Variants in SLC16A10 observed in about 807,000 individuals in gnomAD.
SLC16A10 encodes solute carrier family 16 member 10, also known as monocarboxylate transporter 10.
In SLC16A10, 27 loss-of-function variants were observed where a neutral mutation model predicts 40.0. That is an observed-to-expected ratio of 0.67 (90% CI 0.50 to 0.93). SLC16A10 has a LOEUF of 0.93. SLC16A10 is among the 40% of genes least tolerant of loss of function. The pLI is 0.00. For missense variants in SLC16A10, 529 were observed against 658.2 expected (o/e 0.80, Z 2.15); for synonymous variants, 213 against 249.8 (o/e 0.85, Z 1.39).
intron 1 of SLC16A10, among the ~76,000 whole-genome samples, chr6:111,170,745 A>G (rs1304478248): frequency 1.8e-4 from 28 of 152,208 alleles, no homozygotes. Flanking sequence ...CACCGCACCC[A>G]GCCTAGATTG....
intron 1 of SLC16A10, among the ~76,000 whole-genome samples, chr6:111,160,788 T>C (rs1429720683): frequency 6.6e-6 from 1 of 152,178 alleles, no homozygotes; most frequent in Non-Finnish European, 1.5e-5. Flanking sequence ...TTTCTCTCTC[T>C]CTCTCTGTGT....
chr6:111,101,770 G>A (rs923792555), intron 1 of SLC16A10, among the ~76,000 whole-genome samples: 3 of 152,100 alleles, frequency 2.0e-5, no homozygotes, highest in African/African-American at 2.4e-5. Context: ...ACAGGAGTGT[G>A]CCAACATGTC....
chr6:111,108,609 A>G (rs1360469683), intron 1 of SLC16A10, among the ~76,000 whole-genome samples: 1 of 152,156 alleles, frequency 6.6e-6, no homozygotes, highest in African/African-American at 2.4e-5. Context: ...ATACATTTTA[A>G]TCCTAAGGGA....
At chr6:111,132,798 C>T (rs1771807679) in intron 1 of SLC16A10, among the ~76,000 whole-genome samples, 1 of 152,170 alleles carries the variant, frequency 6.6e-6, no homozygotes, top group African/African-American at 2.4e-5. Flanking sequence ...TAGATGGTTC[C>T]TCCCAGGTAA....
intron 1 of SLC16A10, among the ~76,000 whole-genome samples, chr6:111,093,574 A>G (rs750858012): frequency 6.6e-6 from 1 of 152,254 alleles, no homozygotes; most frequent in Non-Finnish European, 1.5e-5. Context: ...TTTTGGCTAT[A>G]GTTCAGAAAT....
chr6:111,156,048 T>A (rs765103758), intron 1 of SLC16A10, among the ~76,000 whole-genome samples: 10 of 152,090 alleles, frequency 6.6e-5, no homozygotes, highest in Admixed American at 2.6e-4. Context: ...TGGGAGTATG[T>A]CAAAGGGTCA....
intron 1 of SLC16A10, among the ~76,000 whole-genome samples, chr6:111,122,856 G>A (rs546186122): frequency 2.6e-5 from 4 of 152,200 alleles, no homozygotes; most frequent in Non-Finnish European, 5.9e-5. Flanking sequence ...CATGGTTGGA[G>A]TTTACTCTTA....
chr6:111,147,437 T>C (rs541104577), intron 1 of SLC16A10, among the ~76,000 whole-genome samples: 197 of 152,338 alleles, frequency 1.3e-3, no homozygotes, highest in African/African-American at 4.6e-3. Context: ...CCACCACATA[T>C]GTATATATTT....
At chr6:111,094,293 A>ACT (rs55974677) in intron 1 of SLC16A10, among the ~76,000 whole-genome samples, 64,344 of 151,854 alleles carry the variant, frequency 0.42, 16,310 homozygotes, top group African/African-American at 0.72. Flanking sequence ...TGTGTTCAAG[A>ACT]CTTATTTACT....
chr6:111,193,302 TCTG>T (rs1409856294), intron 3 of SLC16A10: 1 of 985,766 alleles, frequency 1.0e-6, no homozygotes, highest in Non-Finnish European at 1.2e-6. Context: ...GATCTCAACA[TCTG>T]CTGCAATTTG....
intron 3 of SLC16A10, among the ~76,000 whole-genome samples, chr6:111,202,512 G>A (rs1773184229): frequency 6.6e-6 from 1 of 152,002 alleles, no homozygotes; most frequent in Non-Finnish European, 1.5e-5. Flanking sequence ...AGTCAGTGTT[G>A]AAGATGTCAA....
chr6:111,139,729 A>G (rs1033451442), intron 1 of SLC16A10, among the ~76,000 whole-genome samples: 1 of 152,180 alleles, frequency 6.6e-6, no homozygotes, highest in Non-Finnish European at 1.5e-5. Flanking sequence ...GCTGCAGTGA[A>G]CATTCACGTG....
At chr6:111,159,656 C>A (rs961359650) in intron 1 of SLC16A10, among the ~76,000 whole-genome samples, 4 of 152,050 alleles carry the variant, frequency 2.6e-5, no homozygotes, top group African/African-American at 7.3e-5. Context: ...GGCTGGGAAC[C>A]CCCTAGGAAT....
intron 4 of SLC16A10, among the ~76,000 whole-genome samples, chr6:111,214,219 C>G (rs1431511167): frequency 6.6e-6 from 1 of 152,154 alleles, no homozygotes; most frequent in Non-Finnish European, 1.5e-5. Flanking sequence ...GCAATATAGA[C>G]ATCTAAACTG....
chr6:111,215,731 G>T (rs886247293), intron 4 of SLC16A10, among the ~76,000 whole-genome samples: 2 of 152,188 alleles, frequency 1.3e-5, no homozygotes, highest in African/African-American at 2.4e-5. Context: ...AGAGTTGGAC[G>T]CAGTGGCTCA....
chr6:111,091,020 C>G (rs1469061614), intron 1 of SLC16A10, among the ~76,000 whole-genome samples: 1 of 152,108 alleles, frequency 6.6e-6, no homozygotes, highest in Non-Finnish European at 1.5e-5. Context: ...TGAGTACTTT[C>G]CTGTGGCTAA....
chr6:111,136,262 G>C (rs1250306103), intron 1 of SLC16A10, among the ~76,000 whole-genome samples: 1 of 152,208 alleles, frequency 6.6e-6, no homozygotes, highest in African/African-American at 2.4e-5. Context: ...AGAAAAAATA[G>C]GAATAGCTCT....
intron 1 of SLC16A10, among the ~76,000 whole-genome samples, chr6:111,120,754 A>G (rs1033730498): frequency 1.3e-4 from 20 of 152,314 alleles, no homozygotes; most frequent in Admixed American, 1.1e-3. Flanking sequence ...AGTGTTGGTT[A>G]TTAATATTTG....
intron 1 of SLC16A10, among the ~76,000 whole-genome samples, chr6:111,100,480 C>A (rs1318687322): frequency 6.6e-6 from 1 of 151,936 alleles, no homozygotes; most frequent in East Asian, 1.9e-4. Flanking sequence ...TCTCTGCCTC[C>A]CGTGTACAAG....
Sources: gnomAD v4.1 joint callset for allele counts (sites outside exome capture counted in the v4.1 genomes callset) on GRCh38, gnomAD v4.1.1 for gene constraint, MANE v1.5 for transcripts, NCBI Gene and HGNC (gene_info 2026-07-23, HGNC 2026-07-21) for gene names.